Variants in DOCK2 observed in about 807,000 individuals in gnomAD.
DOCK2 encodes dedicator of cytokinesis 2.
Under a neutral mutation model 248.9 loss-of-function variants are expected in DOCK2, and 87 were observed. The observed-to-expected ratio is 0.35, with a 90% CI of 0.29 to 0.42. The LOEUF (loss-of-function observed/expected upper bound fraction) is 0.42. Ranked by LOEUF, DOCK2 falls within the 10% of genes least tolerant of loss-of-function variation. The pLI is 1.00. For synonymous variants in DOCK2, 805 were observed against 821.6 expected, an observed-to-expected ratio of 0.98 and a Z score of 0.35; for missense variants, 1,747 against 2,300.2, an observed-to-expected ratio of 0.76 and a Z score of 4.92.
At chr5:169,931,936 C>A (rs1175716272) in intron 27 of DOCK2, among the ~76,000 whole-genome samples, 12 of 152,176 alleles carry the variant, frequency 7.9e-5, no homozygotes, top group Non-Finnish European at 1.8e-4. Flanking sequence ...TTCACTCATT[C>A]ATGTATTCAA....
chr5:169,883,262 A>G, intron 27 of DOCK2: 1 of 1,551,550 alleles, frequency 6.4e-7, no homozygotes, highest in Non-Finnish European at 8.7e-7. Context: ...GCTTCCCAGG[A>G]AGGACTGTGA....
intron 25 of DOCK2, among the ~76,000 whole-genome samples, chr5:169,795,916 G>A (rs759941663): frequency 3.3e-5 from 5 of 152,194 alleles, no homozygotes; most frequent in Admixed American, 6.5e-5. Context: ...CTCCGAGAGA[G>A]TTGAGCTGAG....
intron 26 of DOCK2, among the ~76,000 whole-genome samples, chr5:169,812,906 G>A (rs141989672): frequency 6.6e-6 from 1 of 152,378 alleles, no homozygotes; most frequent in African/African-American, 2.4e-5. Context: ...AGCCAGCCCT[G>A]GTGGCAGCCA....
rs1295607482 is a variant in DOCK2, at chr5:169,825,270, G to A, written c.2704-15487G>A. On this transcript the variant is annotated intron_variant, in intron 26 of 51. Coordinates refer to ENST00000520908, the MANE Select transcript of DOCK2 (RefSeq NM_004946.3). ...TTTGACCCAGCCATCCCATTACTGG[G>A]TATATACCCAAAGGATTATAAATCA... Among the ~76,000 whole-genome samples, 4 of 152,212 alleles carry A rather than the reference G, an allele frequency of 2.6e-5. No individual in the cohort carries two copies. In the South Asian group the frequency reaches 6.2e-4, roughly 24 times the overall value.
intron 14 of DOCK2, among the ~76,000 whole-genome samples, chr5:169,704,251 C>G (rs1761125447): frequency 6.6e-6 from 1 of 152,164 alleles, no homozygotes; most frequent in Non-Finnish European, 1.5e-5. Context: ...ATATTACTGC[C>G]TAATTAAGTG....
At chr5:169,650,143 C>A (rs761676443) in intron 1 of DOCK2, among the ~76,000 whole-genome samples, 13 of 152,174 alleles carry the variant, frequency 8.5e-5, no homozygotes, top group Non-Finnish European at 1.3e-4. Context: ...GACTATAGTA[C>A]TCAGAGCAAT....
chr5:170,045,935 C>G (rs766582886), intron 39 of DOCK2, 30 bp downstream of exon 39: 61 of 1,609,238 alleles, frequency 3.8e-5, no homozygotes, highest in Non-Finnish European at 5.1e-5. Context: ...GGCTGAATGC[C>G]CTGCAGGCTG....
intron 32 of DOCK2, among the ~76,000 whole-genome samples, chr5:170,014,765 G>A (rs747935253): frequency 2.6e-4 from 40 of 152,018 alleles, no homozygotes; most frequent in Non-Finnish European, 4.9e-4. Flanking sequence ...TGGAGGGAGG[G>A]TGGCTAGGTG....
At chr5:169,796,774 G>T (rs1360332996) in intron 25 of DOCK2, among the ~76,000 whole-genome samples, 1 of 152,198 alleles carries the variant, frequency 6.6e-6, no homozygotes, top group Non-Finnish European at 1.5e-5. Flanking sequence ...AGGAGAAGAT[G>T]GCTGGGACAA....
chr5:169,643,061 C>A (rs769929265), intron 1 of DOCK2, among the ~76,000 whole-genome samples: 1 of 152,146 alleles, frequency 6.6e-6, no homozygotes, highest in Non-Finnish European at 1.5e-5. Flanking sequence ...GGAGTCTGGG[C>A]GGAGACACCA....
At chr5:170,081,689 C>A in intron 50 of DOCK2, 153 bp from the exon 51 acceptor site, 1 of 849,634 alleles carries the variant, frequency 1.2e-6, no homozygotes, top group Non-Finnish European at 1.8e-6. Context: ...CCTGGCACGG[C>A]AGGAAATAGG....
chr5:169,985,931 C>T lies in DOCK2; in HGVS notation c.2993+9C>T. 6.3e-7 allele frequency: 1 copy of T among 1,599,770 alleles called. No individual in the cohort carries two copies. The highest frequency in any genetic ancestry group is 8.5e-7 in the Non-Finnish European group (1 of 1,171,574). On this transcript the variant is annotated intron_variant, in intron 29 of 51. Transcript: ENST00000520908. ...AGCATGGTTCAAAACAGGTGAGCTG[C>T]TACCTGCTTCCGCAAAGCTACCTTA...
chr5:169,903,310 A>AT lies in DOCK2; in HGVS notation c.2799+62459dup, dbSNP rs1491359588. Among the ~76,000 whole-genome samples the AT allele has an allele frequency of 3.4e-4, 33 of 97,054 alleles. No homozygotes were observed. The East Asian group carries it at 6.7e-3, about 20-fold the overall frequency. The allele number at this position is 97,054 out of a possible 152,430, so 63.7% of individuals were successfully genotyped here. A position where few individuals can be genotyped will look rare whatever the true frequency, so the allele number is the denominator to read the frequency against. On this transcript the variant is annotated intron_variant, in intron 27 of 51. Coordinates refer to ENST00000520908, the MANE Select transcript of DOCK2 (RefSeq NM_004946.3). ...TCTCTAAAAAACAACAACAACAACAATAAAAAAAAAAAAAAAAAAGGAAAA... is the reference window on the plus strand; with the variant it reads ...TCTCTAAAAAACAACAACAACAACAATTAAAAAAAAAAAAAAAAAAGGAAAA...
Position 169,670,594 on chromosome 5 carries a change from G to T in DOCK2, c.221G>T (p.Arg74Ile), listed in dbSNP as rs368156237. 1.9e-6 allele frequency: 3 copies of T among 1,614,080 alleles called. No homozygotes were observed. The highest frequency in any genetic ancestry group is 2.2e-5 in the South Asian group (2 of 91,060). Residue 74 changes from arginine (R) to isoleucine (I), a missense_variant, in exon 4 of 52, where the codon AGA (arginine) becomes ATA (isoleucine). Physicochemically the swap from Arg to Ile is moderately conservative, Grantham distance 97. Around this residue, in one of 4 missense-constraint regions of DOCK2, gnomAD observed 375 missense variants for 510.9 expected, o/e 0.73. Transcript: ENST00000520908. ...IHIKEVTVEK[R>I]RNTENIIPAE... ...ATCAAGGAAGTGACAGTTGAGAAAA[G>T]AAGGTATTTGCCATTCTTCACCAGA...
chr5:169,778,833 A>G (rs1180975889), intron 25 of DOCK2, among the ~76,000 whole-genome samples: 1 of 152,222 alleles, frequency 6.6e-6, no homozygotes, highest in Admixed American at 6.5e-5. Flanking sequence ...AGAATAGCTC[A>G]CTGTATCTAT....
chr5:169,706,766 C>G (rs1040313969), intron 14 of DOCK2, among the ~76,000 whole-genome samples: 59 of 152,292 alleles, frequency 3.9e-4, no homozygotes, highest in African/African-American at 1.4e-3. Context: ...TCAAATGGAT[C>G]GATTTGGCTG....
intron 27 of DOCK2, among the ~76,000 whole-genome samples, chr5:169,896,785 G>T (rs1252070517): frequency 6.6e-6 from 1 of 152,122 alleles, no homozygotes; most frequent in Non-Finnish European, 1.5e-5. Context: ...GCTCACAGTG[G>T]GTGTGGGAGT....
At chr5:169,891,318 C>T (rs1773266842) in intron 27 of DOCK2, among the ~76,000 whole-genome samples, 2 of 152,176 alleles carry the variant, frequency 1.3e-5, no homozygotes, top group Admixed American at 1.3e-4. Flanking sequence ...TATTATCTGT[C>T]TCTGCTCCCA....
intron 2 of DOCK2, among the ~76,000 whole-genome samples, chr5:169,659,044 G>T (rs1473506204): frequency 6.8e-6 from 1 of 146,074 alleles, no homozygotes; most frequent in Admixed American, 6.9e-5. Flanking sequence ...TGAGATGGGG[G>T]TTTCTCTTTG....
Sources: gnomAD v4.1 joint callset for allele counts (sites outside exome capture counted in the v4.1 genomes callset) on GRCh38, gnomAD v4.1.1 for gene constraint, gnomAD v4.1.1 regional missense constraint, MANE v1.5 for transcripts, NCBI Gene and HGNC (gene_info 2026-07-23, HGNC 2026-07-21) for gene names.